CEP85L: variants seen among roughly 807,000 people sequenced by gnomAD.
CEP85L encodes centrosomal protein of 85 kDa-like.
Under a neutral mutation model 100.3 loss-of-function variants are expected in CEP85L, and 60 were observed. The ratio of observed to expected loss-of-function variants is 0.60; its 90% CI spans 0.49 to 0.74. The LOEUF is 0.74. Among genes scored for constraint, CEP85L ranks in the 30% least tolerant of loss-of-function variants. The pLI, the probability that CEP85L is intolerant of heterozygous loss-of-function variation, is 0.00. For missense variants in CEP85L, 973 were observed against 936.2 expected (o/e 1.04, Z -0.51); for synonymous variants, 319 against 322.7 (o/e 0.99, Z 0.12).
intron 2 of CEP85L, among the ~76,000 whole-genome samples, chr6:118,602,556 G>A (rs1243707721): frequency 6.6e-6 from 1 of 152,198 alleles, no homozygotes; most frequent in African/African-American, 2.4e-5. Context: ...TTAGTTCACA[G>A]GGTTAGCCTA....
intron 1 of CEP85L, among the ~76,000 whole-genome samples, chr6:118,694,086 T>A (rs1777130116): frequency 6.6e-6 from 1 of 152,230 alleles, no homozygotes; most frequent in Admixed American, 6.5e-5. Flanking sequence ...CACCTTTGAA[T>A]GCCTAACTAC....
chr6:118,635,704 A>T (rs1023897968), intron 1 of CEP85L, among the ~76,000 whole-genome samples: 1 of 152,330 alleles, frequency 6.6e-6, no homozygotes, highest in Non-Finnish European at 1.5e-5. Context: ...AGGCAATATA[A>T]CTATTTTGAG....
intron 1 of CEP85L, among the ~76,000 whole-genome samples, chr6:118,682,044 G>A (rs1413591360): frequency 6.6e-6 from 1 of 151,914 alleles, no homozygotes; most frequent in Non-Finnish European, 1.5e-5. Flanking sequence ...GGGATTACAG[G>A]CGTGAGCCAC....
chr6:118,566,386 T>C (rs961300189), intron 2 of CEP85L, 70 bp from the exon 3 acceptor site: 11 of 1,251,978 alleles, frequency 8.8e-6, no homozygotes, highest in Non-Finnish European at 1.1e-5. Context: ...AAATGCAATA[T>C]GCCAAAAGAA....
At chr6:118,499,952 C>A (rs563400609) in intron 5 of CEP85L, among the ~76,000 whole-genome samples, 1 of 152,090 alleles carries the variant, frequency 6.6e-6, no homozygotes, top group South Asian at 2.1e-4. Flanking sequence ...ATAAAACCAT[C>A]ATTGTTCACA....
intron 5 of CEP85L, among the ~76,000 whole-genome samples, chr6:118,495,636 T>C (rs1029256827): frequency 1.2e-4 from 19 of 152,296 alleles, no homozygotes; most frequent in African/African-American, 4.1e-4. Flanking sequence ...CAGTTCTTTA[T>C]AGCAGCATCA....
intron 4 of CEP85L, among the ~76,000 whole-genome samples, chr6:118,520,425 A>T (rs1776592154): frequency 6.6e-6 from 1 of 152,232 alleles, no homozygotes; most frequent in Non-Finnish European, 1.5e-5. Flanking sequence ...TTTAATCGAC[A>T]TAATTGTCAT....
chr6:118,572,020 C>T (rs1779918081), intron 2 of CEP85L, among the ~76,000 whole-genome samples: 1 of 151,932 alleles, frequency 6.6e-6, no homozygotes, highest in Admixed American at 6.6e-5. Context: ...CCACACCTGG[C>T]TAACTTTGTA....
At chr6:118,518,601 T>C (rs887102165) in intron 4 of CEP85L, among the ~76,000 whole-genome samples, 1 of 152,184 alleles carries the variant, frequency 6.6e-6, no homozygotes, top group Non-Finnish European at 1.5e-5. Flanking sequence ...TTTTATCACA[T>C]CTATTTGATT....
chr6:118,669,334 A>T (rs1458537838), intron 1 of CEP85L, among the ~76,000 whole-genome samples: 2 of 152,212 alleles, frequency 1.3e-5, no homozygotes, highest in Non-Finnish European at 2.9e-5. Flanking sequence ...GATTTACCTT[A>T]TAGAGGGCAT....
chr6:118,651,051 C>G, intron 1 of CEP85L, 146 bp downstream of exon 1: 1 of 1,259,652 alleles, frequency 7.9e-7, no homozygotes, highest in Non-Finnish European at 1.0e-6. Context: ...GTGCTGACAG[C>G]GGGGAGGACA....
intron 3 of CEP85L, among the ~76,000 whole-genome samples, chr6:118,546,704 CA>C (rs1173081835): frequency 1.3e-5 from 2 of 152,052 alleles, no homozygotes; most frequent in Non-Finnish European, 2.9e-5. Flanking sequence ...TTATCTCTGA[CA>C]AATTACTGTA....
chr6:118,663,170 G>A (rs1020911706), intron 1 of CEP85L, among the ~76,000 whole-genome samples: 2 of 152,100 alleles, frequency 1.3e-5, no homozygotes, highest in African/African-American at 4.8e-5. Context: ...AGTATAAATG[G>A]GACCAACTCT....
chr6:118,600,205 C>T lies in CEP85L; in HGVS notation c.232+32248G>A, dbSNP rs185665308. Among the ~76,000 whole-genome samples, 66 of 151,032 alleles carry T rather than the reference C, an allele frequency of 4.4e-4. 1 individual carries two copies. The highest frequency in any genetic ancestry group is 1.5e-3 in the African/African-American group (63 of 41,126). On this transcript the variant is annotated intron_variant, in intron 2 of 12. Transcript: ENST00000368491. ...GTTAAACCCTCCGTTCTTGACTTGC[C>T]TCCAAAGAACAGAATATGGAAAGAA...
At chr6:118,654,218 T>A (rs180863106), upstream of CEP85L, among the ~76,000 whole-genome samples, 1 of 152,246 alleles carries the variant, frequency 6.6e-6, no homozygotes, top group East Asian at 1.9e-4. Flanking sequence ...TTGGAGGCTG[T>A]AGTGAGCTGT....
chr6:118,589,943 T>C (rs1268327711), intron 2 of CEP85L, among the ~76,000 whole-genome samples: 1 of 152,212 alleles, frequency 6.6e-6, no homozygotes, highest in Non-Finnish European at 1.5e-5. Context: ...AAAACAAGTA[T>C]TGTCAGGTAT....
At chr6:118,558,839 G>A (rs1053205221) in intron 3 of CEP85L, 10 of 918,892 alleles carry the variant, frequency 1.1e-5, no homozygotes, top group Non-Finnish European at 1.8e-5. Flanking sequence ...CCTAAAAGAA[G>A]ACAGTTATCT....
intron 5 of CEP85L, among the ~76,000 whole-genome samples, chr6:118,503,927 T>G (rs909287166): frequency 6.6e-6 from 1 of 150,900 alleles, no homozygotes; most frequent in Non-Finnish European, 1.5e-5. Context: ...AAGGATGAAC[T>G]GATAAGCTGG....
intron 2 of CEP85L, among the ~76,000 whole-genome samples, chr6:118,620,171 C>T (rs565746184): frequency 1.1e-4 from 17 of 152,206 alleles, no homozygotes; most frequent in Admixed American, 5.2e-4. Flanking sequence ...CTCCGGATTC[C>T]CTGGAAGGCC....
Sources: gnomAD v4.1 joint callset for allele counts (sites outside exome capture counted in the v4.1 genomes callset) on GRCh38, gnomAD v4.1.1 for gene constraint, MANE v1.5 for transcripts, NCBI Gene and HGNC (gene_info 2026-07-23, HGNC 2026-07-21) for gene names.